Variants in ETV2 observed in about 807,000 individuals in gnomAD.
ETV2 encodes the protein ETS variant transcription factor 2.
In ETV2, 34 loss-of-function variants were observed where a neutral mutation model predicts 35.7. The ratio of observed to expected loss-of-function variants is 0.95; its 90% CI spans 0.72 to 1.27. The LOEUF is 1.27. Among genes scored for constraint, ETV2 ranks in the 50% most tolerant of loss-of-function variants. The probability of loss-of-function intolerance (pLI) is 0.00; values close to 1 mark genes in which losing one functional copy is unlikely to be tolerated. For missense variants in ETV2, 512 were observed against 470.5 expected (o/e 1.09, Z -0.82); for synonymous variants, 207 against 203.9 (o/e 1.02, Z -0.13).
rs749352067 is a variant in ETV2 at position 35,644,668 on chromosome 19, G to A, written c.845G>A (p.Gly282Asp). Reference protein sequence around the residue: ...CDPKEVARLWGERKRKPGMNY... With the variant: ...CDPKEVARLWDERKRKPGMNY... ...CTGTCCTAGGTGGCTCGGCTGTGGG[G>A]CGAGCGCAAGAGAAAGCCGGGCATG... is the stretch of plus-strand genomic sequence containing the variant. Residue 282 changes from glycine to aspartate, a missense_variant, in exon 7 of 7, where the codon GGC becomes GAC. Transcript: ENST00000402764. The surrounding 1 kb of genome is among the most constrained non-coding windows in gnomAD (Gnocchi z 4.7). 7 of 1,605,398 alleles carry A rather than the reference G, an allele frequency of 4.4e-6. No homozygotes were observed. In the South Asian group the frequency reaches 7.8e-5, roughly 18 times the overall value.
At position 35,643,721 on chromosome 19, in the gene ETV2, G is replaced by C; in HGVS notation, c.683G>C (p.Ser228Thr). ...CCGAGCCCGCAGTCGGACCGTGCCA[G>C]TTTGGCTCGATGCCCCAAAACTAAC... Reference protein sequence around the residue: ...SEPSPQSDRASLARCPKTNHR... With the variant: ...SEPSPQSDRATLARCPKTNHR... Residue 228 changes from serine (S) to threonine (T), a missense_variant, in exon 5 of 7, where the codon AGT becomes ACT. Ser to Thr is a moderately conservative substitution (Grantham distance 58). Coordinates refer to ENST00000402764, the MANE Select transcript of ETV2 (RefSeq NM_014209.4). This position sits in a 1 kb window ranked among gnomAD's most constrained non-coding sequence, Gnocchi z 5.0. The C allele has an allele frequency of 6.2e-7, 1 of 1,613,856 alleles. No individual in the cohort carries two copies. Among genetic ancestry groups the C allele is most frequent in the Non-Finnish European group, 8.5e-7 (1 of 1,179,854 alleles).
chr19:35,643,080 TG>T lies in ETV2; in HGVS notation c.235+39del, dbSNP rs3214104. ...GGGAGAGGCGGTGGGAGGTGGGGAC[TG>T]GGGTCCCGAGGCACCGGGGCTAGAG... On this transcript the variant is annotated intron_variant, in intron 4 of 6. Coordinates refer to ENST00000402764, the MANE Select transcript of ETV2 (RefSeq NM_014209.4). This position sits in a 1 kb window ranked among gnomAD's most constrained non-coding sequence, Gnocchi z 5.0. 0.3 allele frequency: 426,440 copies of T among 1,400,034 alleles called. 70,751 individuals carry two copies. Among genetic ancestry groups the T allele is most frequent in the South Asian group, 0.43 (34,334 of 80,266 alleles). The allele number at this position is 1,400,034 out of a possible 1,614,324, so 86.7% of individuals were successfully genotyped here. A position where few individuals can be genotyped will look rare whatever the true frequency, so the allele number is the denominator to read the frequency against.
chr19:35,643,870 C>A lies in ETV2; in HGVS notation c.715+117C>A. ...AGTGAGGGGGCGGGGGCTTAGGGAC[C>A]AGGGGCTCGAAGGAGGGGCCGGTGG... On this transcript the variant is annotated intron_variant, in intron 5 of 6. Transcript: ENST00000402764. The surrounding 1 kb of genome is among the most constrained non-coding windows in gnomAD (Gnocchi z 5.0). 1 of 1,458,980 alleles carries A rather than the reference C, an allele frequency of 6.9e-7. No individual in the cohort carries two copies. Among genetic ancestry groups the A allele is most frequent in the Non-Finnish European group, 9.3e-7 (1 of 1,076,100 alleles). 90.4% of individuals were successfully genotyped at this position (1,458,980 alleles called of 1,614,324 possible).
chr19:35,643,443 G>A lies in ETV2; in HGVS notation c.405G>A (p.Val135=), dbSNP rs180942338. 1,097 of 1,546,480 alleles carry A rather than the reference G, an allele frequency of 7.1e-4. 6 individuals are homozygous for A. The African/African-American group carries it at 0.014, about 19-fold the overall frequency. Residue 135 remains valine, a synonymous_variant, in exon 5 of 7, where the codon GTG becomes GTA. Coordinates refer to ENST00000402764, the MANE Select transcript of ETV2 (RefSeq NM_014209.4). The surrounding 1 kb of genome is among the most constrained non-coding windows in gnomAD (Gnocchi z 5.0). ...EGAAGQNCVP[V]AGEATSWSRA... The stretch of plus-strand genomic sequence containing the variant: ...CCGCGGGCCAGAACTGCGTCCCCGT[G>A]GCGGGAGAGGCCACCTCGTGGTCGC...
chr19:35,642,797 T>C lies in ETV2; in HGVS notation c.154+99T>C. The C allele has an allele frequency of 1.2e-6, 1 of 812,210 alleles. No homozygotes were observed. The highest frequency in any genetic ancestry group is 3.8e-5 in the East Asian group (1 of 26,410). 50.3% of individuals were successfully genotyped at this position (812,210 alleles called of 1,614,324 possible). A position where few individuals can be genotyped will look rare whatever the true frequency, so the allele number is the denominator to read the frequency against. On this transcript the variant is annotated intron_variant, in intron 3 of 6. Transcript: ENST00000402764. This position sits in a 1 kb window ranked among gnomAD's most constrained non-coding sequence, Gnocchi z 4.4. ...GGGGGCGTGCCTAGGTTCCTGGGAC[T>C]GGGTGGGGAGGGGCCGCGTGCTTGA...
chr19:35,642,581 G>T lies in ETV2; in HGVS notation c.71-34G>T. On this transcript the variant is annotated intron_variant, in intron 2 of 6. Coordinates refer to ENST00000402764, the MANE Select transcript of ETV2 (RefSeq NM_014209.4). The surrounding 1 kb of genome is among the most constrained non-coding windows in gnomAD (Gnocchi z 4.4). ...TGTGTGGGGAGGGTGTCCAGGTGGGGCCTCTGCTGACCCTAACCCCTTATC... is the reference window on the plus strand; with the variant it reads ...TGTGTGGGGAGGGTGTCCAGGTGGGTCCTCTGCTGACCCTAACCCCTTATC... 6.2e-7 allele frequency: 1 copy of T among 1,612,828 alleles called. No individual in the cohort carries two copies. The highest frequency in any genetic ancestry group is 1.1e-5 in the South Asian group (1 of 90,886).
Position 35,643,062 on chromosome 19 carries a change from G to A in ETV2, c.235+17G>A, listed in dbSNP as rs1222417307. On this transcript the variant is annotated intron_variant, in intron 4 of 6. Coordinates refer to ENST00000402764, the MANE Select transcript of ETV2 (RefSeq NM_014209.4). This position sits in a 1 kb window ranked among gnomAD's most constrained non-coding sequence, Gnocchi z 5.0. Reference sequence around the variant, plus strand: ...GGGGGGCGGGTGAGTGTGGGGAGAGGCGGTGGGAGGTGGGGACTGGGGTCC... The same window carrying A: ...GGGGGGCGGGTGAGTGTGGGGAGAGACGGTGGGAGGTGGGGACTGGGGTCC... 2.6e-6 allele frequency: 4 copies of A among 1,513,866 alleles called. No individual in the cohort carries two copies. Among genetic ancestry groups the A allele is most frequent in the Middle Eastern group, 1.7e-4 (1 of 5,840 alleles). 93.8% of individuals were successfully genotyped at this position (1,513,866 alleles called of 1,614,324 possible).
chr19:35,642,168 A>C lies in ETV2; in HGVS notation c.-28+12A>C. ...GGAACCCGCCAGAGGTGAGCGATGA[A>C]CTGAGGACTAGATGCCTGGGTGTCT... On this transcript the variant is annotated intron_variant, in intron 1 of 6. Coordinates refer to ENST00000402764, the MANE Select transcript of ETV2 (RefSeq NM_014209.4). This position sits in a 1 kb window ranked among gnomAD's most constrained non-coding sequence, Gnocchi z 4.4. 3.7e-6 allele frequency: 1 copy of C among 273,924 alleles called. No homozygotes were observed. The highest frequency in any genetic ancestry group is 6.9e-6 in the Non-Finnish European group (1 of 145,390). The allele number at this position is 273,924 out of a possible 1,614,324, so 17.0% of individuals were successfully genotyped here.
At position 35,643,542 on chromosome 19, in the gene ETV2, T is replaced by C. The variant is rs1034391058; in HGVS notation, c.504T>C (p.Ser168=). The change falls in exon 5 of 7, where the codon AGT becomes AGC. Residue 168 remains serine (S), a synonymous_variant. Transcript: ENST00000402764. This position sits in a 1 kb window ranked among gnomAD's most constrained non-coding sequence, Gnocchi z 5.0. ...VGPDGDTYWG[S]GLGGEPRTDC... is the part of the protein sequence containing the mutation. The stretch of plus-strand genomic sequence containing the variant: ...CCGACGGCGATACCTACTGGGGCAG[T>C]GGCCTGGGCGGGGAGCCGCGCACGG... The C allele has an allele frequency of 3.2e-6, 5 of 1,553,376 alleles. No homozygotes were observed. Among genetic ancestry groups the C allele is most frequent in the Non-Finnish European group, 4.4e-6 (5 of 1,148,484 alleles).
chr19:35,644,345 G>A lies in ETV2; in HGVS notation c.826G>A (p.Glu276Lys). The A allele has an allele frequency of 6.5e-7, 1 of 1,537,988 alleles. No individual in the cohort carries two copies. ...CGAGTTCCAGCTGTGCGACCCCAAA[G>A]AGGTGGGGCAGCTCCCCTGCCCAGC... Reference protein sequence around the residue: ...SREFQLCDPKEVARLWGERKR... With the variant: ...SREFQLCDPKKVARLWGERKR... Residue 276 changes from glutamate to lysine, a missense_variant and splice_region_variant, in exon 6 of 7, where the codon GAG becomes AAG. By Grantham distance (56) the Glu-to-Lys change is moderately conservative. Coordinates refer to ENST00000402764, the MANE Select transcript of ETV2 (RefSeq NM_014209.4). The surrounding 1 kb of genome is among the most constrained non-coding windows in gnomAD (Gnocchi z 4.7).
In ETV2 at chr19:35,643,305, G is replaced by T; in HGVS notation, c.267G>T (p.Gly89=). 1 of 1,602,680 alleles carries T rather than the reference G, an allele frequency of 6.2e-7. No individual in the cohort carries two copies. The highest frequency in any genetic ancestry group is 8.5e-7 in the Non-Finnish European group (1 of 1,176,464). Residue 89 remains glycine, a synonymous_variant, in exon 5 of 7, where the codon GGG becomes GGT. Coordinates refer to ENST00000402764, the MANE Select transcript of ETV2 (RefSeq NM_014209.4). This position sits in a 1 kb window ranked among gnomAD's most constrained non-coding sequence, Gnocchi z 5.0. ...ACTCTCAGGCTCTTCCGTGGTCCGG[G>T]GACTGGACAGACATGGCGTGCACAG... The part of the protein sequence containing the change: ...EPDSQALPWS[G]DWTDMACTAW...
Position 35,642,980 on chromosome 19 carries a change from T to C in ETV2, c.170T>C (p.Leu57Pro). 1 of 1,570,492 alleles carries C rather than the reference T, an allele frequency of 6.4e-7. No individual in the cohort carries two copies. Among genetic ancestry groups the C allele is most frequent in the African/African-American group, 1.4e-5 (1 of 73,824 alleles). The part of the protein sequence containing the change: ...ETCWKGTSSS[L>P]ASFPQLDWGS... ...CTAAACTCAGGTACAAGCTCATCCC[T>C]GGCAAGCTTCCCACAGCTGGACTGG... is the stretch of plus-strand genomic sequence containing the variant. Residue 57 changes from leucine (L) to proline (P), a missense_variant, in exon 4 of 7, where the codon CTG becomes CCG. Leu to Pro is a moderately conservative substitution (Grantham distance 98). Coordinates refer to ENST00000402764, the MANE Select transcript of ETV2 (RefSeq NM_014209.4). The surrounding 1 kb of genome is among the most constrained non-coding windows in gnomAD (Gnocchi z 4.4).
Position 35,642,561 on chromosome 19 carries a change from G to A in ETV2, c.70+31G>A. Reference sequence around the variant, plus strand: ...CTGCCGAGGCTGCCACAACGTGTGTGGGGAGGGTGTCCAGGTGGGGCCTCT... The same window carrying A: ...CTGCCGAGGCTGCCACAACGTGTGTAGGGAGGGTGTCCAGGTGGGGCCTCT... On this transcript the variant is annotated intron_variant, in intron 2 of 6. Coordinates refer to ENST00000402764, the MANE Select transcript of ETV2 (RefSeq NM_014209.4). The surrounding 1 kb of genome is among the most constrained non-coding windows in gnomAD (Gnocchi z 4.4). 6.2e-7 allele frequency: 1 copy of A among 1,613,732 alleles called. No homozygotes were observed. The highest frequency in any genetic ancestry group is 8.5e-7 in the Non-Finnish European group (1 of 1,179,764).
In ETV2 at chr19:35,642,573, C is replaced by T. The variant is rs748065618; in HGVS notation, c.71-42C>T. ...CCACAACGTGTGTGGGGAGGGTGTC[C>T]AGGTGGGGCCTCTGCTGACCCTAAC... On this transcript the variant is annotated intron_variant, in intron 2 of 6. Transcript: ENST00000402764. This position sits in a 1 kb window ranked among gnomAD's most constrained non-coding sequence, Gnocchi z 4.4. The T allele has an allele frequency of 6.2e-7, 1 of 1,613,282 alleles. No individual in the cohort carries two copies. Among genetic ancestry groups the T allele is most frequent in the Non-Finnish European group, 8.5e-7 (1 of 1,179,590 alleles).
Position 35,643,706 on chromosome 19 carries a change from A to G in ETV2, c.668A>G (p.Gln223Arg), listed in dbSNP as rs769761947. Residue 223 changes from glutamine (Q) to arginine (R), a missense_variant, in exon 5 of 7, where the codon CAG (glutamine) becomes CGG (arginine). Gln to Arg is a conservative substitution (Grantham distance 43). Coordinates refer to ENST00000402764, the MANE Select transcript of ETV2 (RefSeq NM_014209.4). The surrounding 1 kb of genome is among the most constrained non-coding windows in gnomAD (Gnocchi z 5.0). ...ALTVCSEPSPQSDRASLARCP... is the reference protein window; with the variant it reads ...ALTVCSEPSPRSDRASLARCP... ...ACCGTTTGCTCCGAACCGAGCCCGC[A>G]GTCGGACCGTGCCAGTTTGGCTCGA... The G allele has an allele frequency of 6.2e-7, 1 of 1,613,846 alleles. No individual in the cohort carries two copies. The highest frequency in any genetic ancestry group is 1.1e-5 in the South Asian group (1 of 91,084).
chr19:35,643,537 G>T lies in ETV2; in HGVS notation c.499G>T (p.Gly167Cys), dbSNP rs1269405968. 1 of 1,552,576 alleles carries T rather than the reference G, an allele frequency of 6.4e-7. No homozygotes were observed. Among genetic ancestry groups the T allele is most frequent in the East Asian group, 2.4e-5 (1 of 40,924 alleles). Residue 167 changes from glycine (G) to cysteine (C), a missense_variant, in exon 5 of 7, where the codon GGC (glycine) becomes TGC (cysteine). Coordinates refer to ENST00000402764, the MANE Select transcript of ETV2 (RefSeq NM_014209.4). This position sits in a 1 kb window ranked among gnomAD's most constrained non-coding sequence, Gnocchi z 5.0. ...GGGGCCCGACGGCGATACCTACTGG[G>T]GCAGTGGCCTGGGCGGGGAGCCGCG... Reference protein sequence around the residue: ...SVGPDGDTYWGSGLGGEPRTD... With the variant: ...SVGPDGDTYWCSGLGGEPRTD...
Position 35,642,970 on chromosome 19 carries a change from A to G in ETV2, c.160A>G (p.Ser54Gly). The change falls in exon 4 of 7, where the codon AGC becomes GGC. Residue 54 changes from serine (S) to glycine (G), a missense_variant. By Grantham distance (56) the Ser-to-Gly change is moderately conservative. Coordinates refer to ENST00000402764, the MANE Select transcript of ETV2 (RefSeq NM_014209.4). The surrounding 1 kb of genome is among the most constrained non-coding windows in gnomAD (Gnocchi z 4.4). Reference protein sequence around the residue: ...ATAETCWKGTSSSLASFPQLD... With the variant: ...ATAETCWKGTGSSLASFPQLD... ...ACAGTCCTCCCTAAACTCAGGTACA[A>G]GCTCATCCCTGGCAAGCTTCCCACA... 1 of 1,566,286 alleles carries G rather than the reference A, an allele frequency of 6.4e-7. No homozygotes were observed. The highest frequency in any genetic ancestry group is 8.7e-7 in the Non-Finnish European group (1 of 1,152,478).
Position 35,643,036 on chromosome 19 carries a change from TG to T in ETV2, c.232del (p.Ala78ArgfsTer129), listed in dbSNP as rs767501641. On this transcript the variant is annotated frameshift_variant, in exon 4 of 7. Coordinates refer to ENST00000402764, the MANE Select transcript of ETV2 (RefSeq NM_014209.4). LOFTEE classifies it high-confidence loss of function. This position sits in a 1 kb window ranked among gnomAD's most constrained non-coding sequence, Gnocchi z 5.0. ...CGCGTTACTGCACCCAGAAGTTCCA[TG>T]GGGGGCGGGTGAGTGTGGGGAGAGG... The part of the protein sequence containing the change: ...GSALLHPEVP[W>X]GAEPDSQALP... The T allele has an allele frequency of 3.5e-6, 5 of 1,433,802 alleles. No individual in the cohort carries two copies. In the African/African-American group the frequency reaches 6.1e-5, roughly 18 times the overall value. The allele number at this position is 1,433,802 out of a possible 1,614,324, so 88.8% of individuals were successfully genotyped here.
chr19:35,643,849 A>T lies in ETV2; in HGVS notation c.715+96A>T. The T allele has an allele frequency of 1.3e-6, 2 of 1,517,078 alleles. No individual in the cohort carries two copies. The highest frequency in any genetic ancestry group is 1.4e-5 in the African/African-American group (1 of 71,234). 94.0% of individuals were successfully genotyped at this position (1,517,078 alleles called of 1,614,324 possible). ...GGCGGGGCCCGGGAGACTGACAGTGAGGGGGCGGGGGCTTAGGGACCAGGG... is the reference window on the plus strand; with the variant it reads ...GGCGGGGCCCGGGAGACTGACAGTGTGGGGGCGGGGGCTTAGGGACCAGGG... On this transcript the variant is annotated intron_variant, in intron 5 of 6. Coordinates refer to ENST00000402764, the MANE Select transcript of ETV2 (RefSeq NM_014209.4). This position sits in a 1 kb window ranked among gnomAD's most constrained non-coding sequence, Gnocchi z 5.0.
Sources: gnomAD v4.1 joint callset for allele counts on GRCh38, gnomAD v4.1.1 for gene constraint, Gnocchi (gnomAD v3.1) non-coding constraint, MANE v1.5 for transcripts, NCBI Gene and HGNC (gene_info 2026-07-23, HGNC 2026-07-21) for gene names.